The following RBM41 variants were observed in gnomAD, a reference collection of about 807,000 sequenced individuals.
RBM41 encodes the protein RNA binding motif protein 41, also known as RNA-binding protein 41.
In RBM41, 14 loss-of-function variants were observed where a neutral mutation model predicts 30.8. The ratio of observed to expected loss-of-function variants is 0.45; its 90% CI spans 0.30 to 0.71. The LOEUF (loss-of-function observed/expected upper bound fraction) is 0.71, where lower values mean the gene tolerates loss of function less well. Ranked by LOEUF, RBM41 falls within the 30% of genes least tolerant of loss-of-function variation. The pLI, the probability that RBM41 is intolerant of heterozygous loss-of-function variation, is 0.08. For synonymous variants in RBM41, 120 were observed against 110.1 expected (o/e 1.09, Z -0.56); for missense variants, 276 against 326.3 (o/e 0.85, Z 1.19).
At chrX:107,060,864 CT>C (rs1196304494), downstream of RBM41, among the ~76,000 whole-genome samples, 3 of 111,400 alleles carry the variant, frequency 2.7e-5, no homozygotes, top group Non-Finnish European at 3.8e-5. Context: ...GCAAACACCC[CT>C]TTAAGCAAGT....
chrX:107,067,681 G>A lies in RBM41; in HGVS notation c.1160C>T (p.Ala387Val). Residue 387 changes from alanine to valine, a missense_variant, in exon 8 of 8, where the codon GCA becomes GTA. Physicochemically the swap from Ala to Val is moderately conservative, Grantham distance 64 (BLOSUM62 0). Coordinates refer to ENST00000685964, the MANE Select transcript of RBM41 (RefSeq NM_001324242.2). ...AFITFPNKEI[A>V]WQALHLVNGY... Reference sequence around the variant, plus strand: ...ATTTACTAGATGCAATGCTTGCCATGCTATCTCCTTATCTAAAAGAGAAAG... The same window carrying A: ...ATTTACTAGATGCAATGCTTGCCATACTATCTCCTTATCTAAAAGAGAAAG... 1 of 1,202,876 alleles carries A rather than the reference G, an allele frequency of 8.3e-7. No individual in the cohort carries two copies. Among genetic ancestry groups the A allele is most frequent in the Non-Finnish European group, 1.1e-6 (1 of 891,533 alleles).
intron 5 of RBM41, among the ~76,000 whole-genome samples, chrX:107,089,211 T>C (rs1486383118): frequency 8.9e-6 from 1 of 112,343 alleles, no homozygotes; most frequent in Non-Finnish European, 1.9e-5. Context: ...GATTTTTTTA[T>C]ACTTGTTTAT....
At chrX:107,098,932 C>T (rs915687524) in intron 5 of RBM41, among the ~76,000 whole-genome samples, 5 of 109,698 alleles carry the variant, frequency 4.6e-5, no homozygotes, top group Admixed American at 9.7e-5. Context: ...ACCCAGGAGG[C>T]GGAGGTTGCA....
the RBM41 span, among the ~76,000 whole-genome samples, chrX:107,052,393 G>C: frequency 7.2e-5 from 8 of 111,266 alleles, no homozygotes; most frequent in Admixed American, 7.7e-4. Context: ...CACCTTCCCA[G>C]CTAGGCTTAG....
At chrX:107,115,839 A>C in intron 3 of RBM41, 23 bp downstream of exon 3, 1 of 1,148,440 alleles carries the variant, frequency 8.7e-7, no homozygotes, top group Non-Finnish European at 1.2e-6. Flanking sequence ...AAAACCAACA[A>C]AAAAAAACAT....
At chrX:107,111,423 T>C (rs1157996547) in intron 5 of RBM41, among the ~76,000 whole-genome samples, 1 of 111,129 alleles carries the variant, frequency 9.0e-6, no homozygotes, top group Non-Finnish European at 1.9e-5. Context: ...ACTGGAACTC[T>C]TATCTTGTGC....
chrX:107,111,209 T>G (rs1242766890), intron 5 of RBM41, among the ~76,000 whole-genome samples: 1 of 111,181 alleles, frequency 9.0e-6, no homozygotes, highest in Admixed American at 9.5e-5. Context: ...AACAAGAAAC[T>G]TATTTTAAAA....
At chrX:107,101,126 A>G (rs1923418778) in intron 5 of RBM41, among the ~76,000 whole-genome samples, 1 of 111,627 alleles carries the variant, frequency 9.0e-6, no homozygotes, top group Non-Finnish European at 1.9e-5. Flanking sequence ...AAAGAAAAAT[A>G]AGGAAATTAT....
rs1243727081 is a variant in RBM41 at position 107,066,318 on chromosome X, T to A, written c.*1209A>T. The stretch of plus-strand genomic sequence containing the variant: ...TAATTTCTTTTTCTTCTGGGATGTA[T>A]AGGTTAATGTCTCTCATCAAATCGG... On this transcript the variant is annotated 3_prime_UTR_variant, in exon 8 of 8. Transcript: ENST00000685964. 1.8e-5 allele frequency: 2 copies of A among 111,588 alleles called. No individual in the cohort carries two copies. The highest frequency in any genetic ancestry group is 3.8e-5 in the Non-Finnish European group (2 of 53,081). 9.2% of individuals were successfully genotyped at this position (111,588 alleles called of 1,213,427 possible).
At chrX:107,114,932 ACTT>A (rs1028426515) in intron 4 of RBM41, 8 of 123,444 alleles carry the variant, frequency 6.5e-5, no homozygotes, top group Non-Finnish European at 9.9e-5. Context: ...ATTCCCTGCC[ACTT>A]CTTCTACTCC....
At chrX:107,076,385 T>G (rs1183129593) in intron 6 of RBM41, among the ~76,000 whole-genome samples, 1 of 109,876 alleles carries the variant, frequency 9.1e-6, no homozygotes, top group Non-Finnish European at 1.9e-5. Flanking sequence ...GGAATATTAT[T>G]TAGCCTTAAA....
chrX:107,080,768 T>A (rs1185011425), intron 6 of RBM41, among the ~76,000 whole-genome samples: 3 of 112,107 alleles, frequency 2.7e-5, no homozygotes, highest in South Asian at 7.4e-4. Context: ...AATTCTCTGA[T>A]GACAAATAAA....
At chrX:107,090,920 G>A (rs921177550) in intron 5 of RBM41, among the ~76,000 whole-genome samples, 1 of 109,044 alleles carries the variant, frequency 9.2e-6, no homozygotes, top group East Asian at 2.9e-4. Context: ...TTTAAGCCCC[G>A]CGTGCATTAG....
chrX:107,108,649 T>C (rs986709340), intron 5 of RBM41, among the ~76,000 whole-genome samples: 1 of 112,430 alleles, frequency 8.9e-6, no homozygotes, highest in Non-Finnish European at 1.9e-5. Context: ...ACCAGGACAA[T>C]TGGCTATCCA....
At chrX:107,055,363 C>T in the RBM41 span, among the ~76,000 whole-genome samples, 878 of 111,570 alleles carry the variant, frequency 7.9e-3, 10 homozygotes, top group African/African-American at 0.027. Flanking sequence ...CTTGCTCTGT[C>T]ACCCAGGCTG....
chrX:107,080,087 T>G (rs1393908261), intron 6 of RBM41, among the ~76,000 whole-genome samples: 1 of 111,479 alleles, frequency 9.0e-6, no homozygotes, highest in Non-Finnish European at 1.9e-5. Context: ...CTATGAACAT[T>G]CACATGGCAC....
rs1935850148 is a variant in RBM41, at chrX:107,066,646, G to A, written c.*881C>T. 1.5e-6 allele frequency: 1 copy of A among 686,220 alleles called. No individual in the cohort carries two copies. Among genetic ancestry groups the A allele is most frequent in the Non-Finnish European group, 1.7e-6 (1 of 577,892 alleles). The allele number at this position is 686,220 out of a possible 1,213,427, so 56.6% of individuals were successfully genotyped here. On this transcript the variant is annotated 3_prime_UTR_variant, in exon 8 of 8. Transcript: ENST00000685964. ...ATGTTAAGTGTGGCTGTACAGGTCT[G>A]ACTCCAGTTTGTACTACTTCCTCTC...
At chrX:107,105,687 ACAACAGAG>A (rs1465430354) in intron 5 of RBM41, among the ~76,000 whole-genome samples, 2 of 111,475 alleles carry the variant, frequency 1.8e-5, no homozygotes, top group East Asian at 5.7e-4. Context: ...CCAATGGAAC[ACAACAGAG>A]CCCTCAGAAA....
chrX:107,066,716 G>A lies in RBM41; in HGVS notation c.*811C>T. 1 of 752,965 alleles carries A rather than the reference G, an allele frequency of 1.3e-6. No individual in the cohort carries two copies. The highest frequency in any genetic ancestry group is 6.8e-5 in the South Asian group (1 of 14,793). The allele number at this position is 752,965 out of a possible 1,213,427, so 62.1% of individuals were successfully genotyped here. A position where few individuals can be genotyped will look rare whatever the true frequency, so the allele number is the denominator to read the frequency against. On this transcript the variant is annotated 3_prime_UTR_variant, in exon 8 of 8. Transcript: ENST00000685964. ...TTCCAGCAACCATAAACAAACAACT[G>A]GGGGATTTGTGACTGGCATCCTCTT... is the stretch of plus-strand genomic sequence containing the variant.
Sources: allele counts gnomAD v4.1 joint callset (sites outside exome capture counted in the v4.1 genomes callset), GRCh38; gene constraint gnomAD v4.1.1; transcripts MANE v1.5; gene names NCBI Gene and HGNC (gene_info 2026-07-23, HGNC 2026-07-21).